The following TUSC3 variants were observed in gnomAD, a reference collection of about 807,000 sequenced individuals.
TUSC3 encodes the protein dolichyl-diphosphooligosaccharide--protein glycosyltransferase subunit TUSC3.
Under a neutral mutation model 44.8 loss-of-function variants are expected in TUSC3, and 45 were observed. That is an observed-to-expected ratio of 1.00 (90% CI 0.79 to 1.29). The LOEUF (loss-of-function observed/expected upper bound fraction) is 1.29, where lower values mean the gene tolerates loss of function less well. Ranked by LOEUF, TUSC3 falls within the 50% of genes most tolerant of loss-of-function variation. The pLI is 0.00. For missense variants in TUSC3, 519 were observed against 437.9 expected, an observed-to-expected ratio of 1.19 and a Z score of -1.65; for synonymous variants, 212 against 152.9, an observed-to-expected ratio of 1.39 and a Z score of -2.85.
intron 1 of TUSC3, among the ~76,000 whole-genome samples, chr8:15,423,969 G>GTTTTTTTTTTTTTTT (rs112397215): frequency 1.4e-5 from 1 of 70,392 alleles, no homozygotes; most frequent in Non-Finnish European, 3.1e-5. Context: ...GTTTTGCTTT[G>GTTTTTTTTTTTTTTT]TTTTTTTTTT....
chr8:15,479,888 A>G (rs1338330936), intron 1 of TUSC3, among the ~76,000 whole-genome samples: 2 of 152,198 alleles, frequency 1.3e-5, no homozygotes, highest in African/African-American at 4.8e-5. Flanking sequence ...ATATGGTCCT[A>G]TATGTGGAAA....
intron 1 of TUSC3, among the ~76,000 whole-genome samples, chr8:15,593,525 A>G (rs1436423181): frequency 2.6e-5 from 4 of 152,184 alleles, no homozygotes; most frequent in Admixed American, 6.6e-5. Context: ...TACATCATCT[A>G]CATTCTGAGT....
intron 5 of TUSC3, among the ~76,000 whole-genome samples, chr8:15,663,105 C>A (rs1361922019): frequency 6.6e-6 from 1 of 151,556 alleles, no homozygotes; most frequent in Non-Finnish European, 1.5e-5. Context: ...ATACACAAAA[C>A]AATTCAGTTA....
the TUSC3 span, among the ~76,000 whole-genome samples, chr8:15,846,926 G>A: frequency 2.0e-5 from 3 of 150,592 alleles, no homozygotes; most frequent in African/African-American, 4.9e-5. Context: ...GGGAATAAAT[G>A]ATTCATAATA....
At chr8:15,592,722 G>C (rs1221242740) in intron 1 of TUSC3, among the ~76,000 whole-genome samples, 1 of 152,112 alleles carries the variant, frequency 6.6e-6, no homozygotes, top group Non-Finnish European at 1.5e-5. Flanking sequence ...TCAAATTTTA[G>C]ATATTCCTTT....
the TUSC3 span, among the ~76,000 whole-genome samples, chr8:15,781,550 C>T: frequency 6.6e-6 from 1 of 151,876 alleles, no homozygotes; most frequent in South Asian, 2.1e-4. Context: ...AGAAACCTTG[C>T]AGGCCAGAAG....
chr8:15,519,577 C>T (rs373117776), intron 2 of TUSC3, among the ~76,000 whole-genome samples: 1 of 152,082 alleles, frequency 6.6e-6, no homozygotes, highest in South Asian at 2.1e-4. Context: ...CTATTGTGAA[C>T]TGTGCACCTG....
the TUSC3 span, among the ~76,000 whole-genome samples, chr8:15,811,305 G>A: frequency 1.3e-5 from 2 of 152,152 alleles, no homozygotes; most frequent in Middle Eastern, 3.4e-3. Context: ...TCTTCACATC[G>A]TCAATTGTCC....
At chr8:15,630,151 G>C (rs938512821) in intron 2 of TUSC3, among the ~76,000 whole-genome samples, 1 of 152,064 alleles carries the variant, frequency 6.6e-6, no homozygotes, top group Admixed American at 6.6e-5. Context: ...CTCATGGAAG[G>C]ATGTTACTAT....
intron 6 of TUSC3, among the ~76,000 whole-genome samples, chr8:15,684,084 A>G (rs1026921073): frequency 1.5e-5 from 2 of 136,340 alleles, no homozygotes; most frequent in African/African-American, 5.5e-5. Flanking sequence ...ATTTCACTGC[A>G]TTCACCGTAG....
chr8:15,474,982 A>T (rs897715460), intron 1 of TUSC3, among the ~76,000 whole-genome samples: 1 of 152,078 alleles, frequency 6.6e-6, no homozygotes, highest in Admixed American at 6.5e-5. Context: ...GCAGATGAAA[A>T]GATTCATTTC....
At chr8:15,826,991 G>A in the TUSC3 span, among the ~76,000 whole-genome samples, 7 of 152,302 alleles carry the variant, frequency 4.6e-5, no homozygotes, top group Non-Finnish European at 1.0e-4. Context: ...TTGCAGGTCA[G>A]AGTTCTGTTA....
At chr8:15,637,891 TTA>T (rs1806165119) in intron 2 of TUSC3, among the ~76,000 whole-genome samples, 1 of 152,134 alleles carries the variant, frequency 6.6e-6, no homozygotes, top group African/African-American at 2.4e-5. Context: ...CTGAAATAAT[TTA>T]TGTTTCCACA....
chr8:15,641,284 C>T (rs989546257), intron 2 of TUSC3, among the ~76,000 whole-genome samples: 4 of 148,068 alleles, frequency 2.7e-5, no homozygotes, highest in African/African-American at 1.0e-4. Flanking sequence ...TCACTTGAAC[C>T]AGGGAGGTGG....
At chr8:15,775,662 A>T in the TUSC3 span, among the ~76,000 whole-genome samples, 2 of 146,492 alleles carry the variant, frequency 1.4e-5, no homozygotes, top group Non-Finnish European at 3.0e-5. Context: ...ACACACATAT[A>T]CATATATACA....
intron 1 of TUSC3, among the ~76,000 whole-genome samples, chr8:15,570,942 C>A (rs949841293): frequency 1.8e-5 from 1 of 54,602 alleles, no homozygotes; most frequent in Admixed American, 1.8e-4. Flanking sequence ...CTTTCTATTC[C>A]ATTGCCTATT....
intron 1 of TUSC3, among the ~76,000 whole-genome samples, chr8:15,470,041 AG>A (rs1287302061): frequency 6.6e-6 from 1 of 152,050 alleles, no homozygotes; most frequent in Non-Finnish European, 1.5e-5. Flanking sequence ...AGATCGCTTG[AG>A]CCCAGCAGTT....
chr8:15,733,162 A>T (rs1563195732), intron 7 of TUSC3, among the ~76,000 whole-genome samples: 1 of 152,192 alleles, frequency 6.6e-6, no homozygotes, highest in Non-Finnish European at 1.5e-5. Context: ...GTCTTTGTGT[A>T]TATGTTTATA....
At chr8:15,801,897 G>A in the TUSC3 span, among the ~76,000 whole-genome samples, 1 of 152,192 alleles carries the variant, frequency 6.6e-6, no homozygotes, top group Non-Finnish European at 1.5e-5. Context: ...ATGGGAGAGA[G>A]GATTCAGAAA....
Sources: allele counts gnomAD v4.1 joint callset (sites outside exome capture counted in the v4.1 genomes callset), GRCh38; gene constraint gnomAD v4.1.1; transcripts MANE v1.5; gene names NCBI Gene and HGNC (gene_info 2026-07-23, HGNC 2026-07-21).